The following THNSL1 variants were observed in gnomAD, a reference collection of about 807,000 sequenced individuals.
THNSL1 encodes threonine synthase like 1, also known as threonine synthase-like 1.
THNSL1 carries 48 observed loss-of-function variants against 50.4 expected under a neutral mutation model. The observed-to-expected ratio is 0.95, with a 90% CI of 0.76 to 1.21. THNSL1 has a LOEUF of 1.21. THNSL1 is among the 50% of genes most tolerant of loss of function. THNSL1 has a pLI of 0.00. For missense variants in THNSL1, 896 were observed against 871.7 expected, an observed-to-expected ratio of 1.03 and a Z score of -0.35; for synonymous variants, 309 against 306.1, an observed-to-expected ratio of 1.01 and a Z score of -0.10.
chr10:25,015,899 A>C (rs756176637), upstream of THNSL1: 1 of 1,607,862 alleles, frequency 6.2e-7, no homozygotes, highest in Non-Finnish European at 8.5e-7. Flanking sequence ...ACTGGGTATG[A>C]GGTTATAAAT....
At chr10:25,016,913 T>C (rs1365717124) in intron 1 of THNSL1, 2 of 152,546 alleles carry the variant, frequency 1.3e-5, no homozygotes, top group African/African-American at 4.8e-5. Flanking sequence ...GCGCGCATTT[T>C]TCCTGCTGCT....
chr10:25,006,686 A>G, the THNSL1 span, among the ~76,000 whole-genome samples: 1 of 152,226 alleles, frequency 6.6e-6, no homozygotes, highest in Admixed American at 6.5e-5. Flanking sequence ...TAAACACGAA[A>G]TAGTATCTGA....
the THNSL1 span, among the ~76,000 whole-genome samples, chr10:24,999,164 G>A: frequency 6.6e-6 from 1 of 152,188 alleles, no homozygotes; most frequent in African/African-American, 2.4e-5. Context: ...GGTGATGCAT[G>A]TGGGCTTCAT....
At chr10:24,952,514 G>C in the THNSL1 span, 14 of 1,582,530 alleles carry the variant, frequency 8.8e-6, no homozygotes, top group African/African-American at 1.7e-4. This position sits in a 1 kb window ranked among gnomAD's most constrained non-coding sequence, Gnocchi z 5.1. Context: ...CCAAAATAGG[G>C]AGTTTGCATT....
At chr10:25,016,992 C>G (rs1156807800) in intron 1 of THNSL1, among the ~76,000 whole-genome samples, 2 of 152,150 alleles carry the variant, frequency 1.3e-5, no homozygotes, top group Non-Finnish European at 2.9e-5. Context: ...GCACGGGGCC[C>G]GCGGCCTCCT....
chr10:24,970,239 T>C, the THNSL1 span, among the ~76,000 whole-genome samples: 2 of 152,234 alleles, frequency 1.3e-5, no homozygotes, highest in African/African-American at 4.8e-5. Flanking sequence ...GAACAATTTT[T>C]TTTCCCCATT....
At chr10:24,968,855 C>T in the THNSL1 span, among the ~76,000 whole-genome samples, 1 of 152,138 alleles carries the variant, frequency 6.6e-6, no homozygotes, top group East Asian at 1.9e-4. Context: ...TCACTCACTC[C>T]GCCTCTATTT....
intron 1 of THNSL1, among the ~76,000 whole-genome samples, chr10:25,021,510 G>A (rs915391690): frequency 6.6e-6 from 1 of 152,074 alleles, no homozygotes; most frequent in African/African-American, 2.4e-5. Flanking sequence ...TTGCTTGATG[G>A]TAGAAATTCC....
chr10:25,007,118 T>C, the THNSL1 span, among the ~76,000 whole-genome samples: 1 of 152,204 alleles, frequency 6.6e-6, no homozygotes, highest in African/African-American at 2.4e-5. Flanking sequence ...TGTAAAAATT[T>C]GAGTCATCAT....
the THNSL1 span, among the ~76,000 whole-genome samples, chr10:24,976,442 A>G: frequency 2.6e-5 from 4 of 152,130 alleles, no homozygotes; most frequent in African/African-American, 4.8e-5. Flanking sequence ...TAACTCGTCT[A>G]TCTCACTGTT....
the THNSL1 span, chr10:24,999,359 C>T: frequency 1.3e-6 from 2 of 1,550,750 alleles, no homozygotes; most frequent in East Asian, 4.5e-5. Flanking sequence ...AAATCACCTG[C>T]TAATGCTTTT....
At chr10:25,015,998 T>G (rs1850561037), upstream of THNSL1, 20 of 1,560,552 alleles carry the variant, frequency 1.3e-5, no homozygotes, top group Non-Finnish European at 1.7e-5. Context: ...TCCCAGTATC[T>G]CCGTCCCTTT....
At chr10:24,990,369 C>T in the THNSL1 span, 1 of 1,460,234 alleles carries the variant, frequency 6.8e-7, no homozygotes, top group Non-Finnish European at 9.2e-7. Context: ...TTTCAAAATC[C>T]AAGTGCTGAC....
At chr10:25,001,810 G>C in the THNSL1 span, among the ~76,000 whole-genome samples, 2 of 152,046 alleles carry the variant, frequency 1.3e-5, no homozygotes, top group Non-Finnish European at 2.9e-5. Context: ...TTAAGGTCTT[G>C]TCTACTGATT....
the THNSL1 span, chr10:24,999,606 T>A: frequency 7.2e-7 from 1 of 1,397,288 alleles, no homozygotes; most frequent in Non-Finnish European, 9.9e-7. Context: ...ACCTAAAGTT[T>A]ACTTAAAGTT....
chr10:24,975,128 G>A, the THNSL1 span, among the ~76,000 whole-genome samples: 1 of 152,104 alleles, frequency 6.6e-6, no homozygotes, highest in Non-Finnish European at 1.5e-5. Flanking sequence ...AAGCCTGCTG[G>A]CTGTGTTGAG....
At chr10:24,966,172 G>C in the THNSL1 span, among the ~76,000 whole-genome samples, 1 of 152,196 alleles carries the variant, frequency 6.6e-6, no homozygotes, top group Non-Finnish European at 1.5e-5. Flanking sequence ...GTAGAAACTG[G>C]AACCTCTCTG....
chr10:24,995,818 G>A, the THNSL1 span: 1 of 1,613,710 alleles, frequency 6.2e-7, no homozygotes, highest in African/African-American at 1.3e-5. Context: ...AGGATGATCA[G>A]TCTTCAATGG....
chr10:24,992,571 G>A, the THNSL1 span, among the ~76,000 whole-genome samples: 4 of 152,288 alleles, frequency 2.6e-5, no homozygotes, highest in Admixed American at 2.0e-4. Flanking sequence ...ATGACTTGCT[G>A]TGTCTTTTCC....
Sources: allele counts gnomAD v4.1 joint callset (sites outside exome capture counted in the v4.1 genomes callset), GRCh38; gene constraint gnomAD v4.1.1; non-coding constraint Gnocchi (gnomAD v3.1); transcripts MANE v1.5; gene names NCBI Gene and HGNC (gene_info 2026-07-23, HGNC 2026-07-21).